SMCHD1: variants seen among roughly 807,000 people sequenced by gnomAD.
SMCHD1 encodes structural maintenance of chromosomes flexible hinge domain containing 1, also known as structural maintenance of chromosomes flexible hinge domain-containing protein 1.
SMCHD1 carries 78 observed loss-of-function variants against 254.7 expected under a neutral mutation model. The ratio of observed to expected loss-of-function variants is 0.31; its 90% CI spans 0.26 to 0.37. The LOEUF (loss-of-function observed/expected upper bound fraction) is 0.37, where lower values mean the gene tolerates loss of function less well. Among genes scored for constraint, SMCHD1 ranks in the 10% least tolerant of loss-of-function variants. The pLI, the probability that SMCHD1 is intolerant of heterozygous loss-of-function variation, is 1.00. For missense variants in SMCHD1, 1,840 were observed against 2,408.1 expected, an observed-to-expected ratio of 0.76 and a Z score of 4.94; for synonymous variants, 766 against 794.9, an observed-to-expected ratio of 0.96 and a Z score of 0.61.
intron 28 of SMCHD1, among the ~76,000 whole-genome samples, chr18:2,743,121 C>T (rs965277682): frequency 6.6e-5 from 10 of 152,168 alleles, no homozygotes. Flanking sequence ...GCACTCACGC[C>T]AGTGTGGAAT....
chr18:2,661,084 A>C (rs1297534511), intron 1 of SMCHD1, among the ~76,000 whole-genome samples: 1 of 152,194 alleles, frequency 6.6e-6, no homozygotes, highest in African/African-American at 2.4e-5. Context: ...AGGAACAGAA[A>C]ACCAAACACT....
intron 34 of SMCHD1, among the ~76,000 whole-genome samples, chr18:2,759,592 T>G (rs1177364155): frequency 7.0e-6 from 1 of 143,266 alleles, no homozygotes; most frequent in South Asian, 2.3e-4. Context: ...TTTTTTGAGA[T>G]AGAGTCTCAC....
intron 13 of SMCHD1, among the ~76,000 whole-genome samples, chr18:2,704,752 C>T (rs1170980099): frequency 6.6e-6 from 1 of 152,046 alleles, no homozygotes; most frequent in East Asian, 1.9e-4. Context: ...AGGTAGAAGG[C>T]TCTCTGTTCT....
intron 9 of SMCHD1, among the ~76,000 whole-genome samples, chr18:2,697,490 A>T (rs1190623331): frequency 1.3e-5 from 2 of 152,186 alleles, no homozygotes; most frequent in Non-Finnish European, 2.9e-5. Flanking sequence ...TGAGTATTGG[A>T]TTCTCAATCC....
intron 12 of SMCHD1, chr18:2,701,162 T>TG: frequency 7.7e-6 from 2 of 259,374 alleles, no homozygotes; most frequent in Non-Finnish European, 7.0e-6. Flanking sequence ...TTAGTTTTTT[T>TG]TGTTTTTTTT....
chr18:2,740,694 C>CT lies in SMCHD1; in HGVS notation c.3515-3dup. The CT allele has an allele frequency of 2.0e-6, 3 of 1,465,802 alleles. No individual in the cohort carries two copies. Among genetic ancestry groups the CT allele is most frequent in the African/African-American group, 1.4e-5 (1 of 71,490 alleles). 90.8% of individuals were successfully genotyped at this position (1,465,802 alleles called of 1,614,324 possible). A position where few individuals can be genotyped will look rare whatever the true frequency, so the allele number is the denominator to read the frequency against. On this transcript the variant is annotated splice_polypyrimidine_tract_variant and intron_variant, in intron 27 of 47. Transcript: ENST00000320876. Reference sequence around the variant, plus strand: ...GATAATACTAAAATAAAACTTCCCCCTTTTTTAGTTATAATAATTACAGAT... The same window carrying CT: ...GATAATACTAAAATAAAACTTCCCCCTTTTTTTAGTTATAATAATTACAGAT...
rs1475005106 is a variant in SMCHD1 at position 2,747,664 on chromosome 18, C to T, written c.3927+17C>T. ...AATTTAAAGGTAAGTTTTAAACTTC[C>T]TTACATCTTCATTTAAAATTCTGGA... On this transcript the variant is annotated intron_variant, in intron 30 of 47. Coordinates refer to ENST00000320876, the MANE Select transcript of SMCHD1 (RefSeq NM_015295.3). 1 of 1,512,508 alleles carries T rather than the reference C, an allele frequency of 6.6e-7. No individual in the cohort carries two copies. The highest frequency in any genetic ancestry group is 8.9e-7 in the Non-Finnish European group (1 of 1,121,476). 93.7% of individuals were successfully genotyped at this position (1,512,508 alleles called of 1,614,324 possible).
intron 37 of SMCHD1, chr18:2,764,042 C>T (rs146872628): frequency 5.7e-5 from 18 of 313,156 alleles, no homozygotes; most frequent in African/African-American, 3.1e-4. Flanking sequence ...AGTGACAGTA[C>T]GTGATGTTTT....
At chr18:2,671,005 C>T (rs1282895489) in intron 3 of SMCHD1, among the ~76,000 whole-genome samples, 8 of 144,386 alleles carry the variant, frequency 5.5e-5, no homozygotes, top group East Asian at 2.0e-4. Flanking sequence ...GGCGTGATCT[C>T]GGCTCACCGC....
intron 35 of SMCHD1, among the ~76,000 whole-genome samples, chr18:2,761,209 A>G (rs1444327416): frequency 6.6e-6 from 1 of 152,214 alleles, no homozygotes; most frequent in African/African-American, 2.4e-5. Context: ...GGAGCTAAAC[A>G]TTGGGTACAC....
At chr18:2,663,807 C>T (rs894647865) in intron 1 of SMCHD1, among the ~76,000 whole-genome samples, 3 of 151,996 alleles carry the variant, frequency 2.0e-5, no homozygotes, top group South Asian at 2.1e-4. Flanking sequence ...CTCCACCTCC[C>T]GGGTTCACGC....
rs185494569 is a variant in SMCHD1 at position 2,717,418 on chromosome 18, C to T, written c.2261-740C>T. Among the ~76,000 whole-genome samples the T allele has an allele frequency of 5.5e-4, 83 of 152,240 alleles. 1 individual carries two copies. Among genetic ancestry groups the T allele is most frequent in the South Asian group, 5.0e-3 (24 of 4,826 alleles). On this transcript the variant is annotated intron_variant, in intron 17 of 47. Coordinates refer to ENST00000320876, the MANE Select transcript of SMCHD1 (RefSeq NM_015295.3). ...CTGGTACCTTCATAGCTCGCTGTGG[C>T]CTTGACCTCCTGGGCTCAAGTAGTC...
chr18:2,759,569 C>CTTTTTTTT (rs763885639), intron 34 of SMCHD1, among the ~76,000 whole-genome samples: 32 of 36,964 alleles, frequency 8.7e-4, no homozygotes, highest in South Asian at 2.4e-3. Context: ...TTTTAATTCT[C>CTTTTTTTT]TCTTTTTTTT....
rs1182600898 is a variant in SMCHD1 at position 2,673,274 on chromosome 18, C to G, written c.425-7C>G. 1.3e-6 allele frequency: 2 copies of G among 1,586,704 alleles called. No individual in the cohort carries two copies. The highest frequency in any genetic ancestry group is 3.5e-5 in the Admixed American group (2 of 57,660). On this transcript the variant is annotated splice_region_variant and splice_polypyrimidine_tract_variant and intron_variant, in intron 3 of 47. Coordinates refer to ENST00000320876, the MANE Select transcript of SMCHD1 (RefSeq NM_015295.3). ...AAGTTAAGCAATGTTTTCTTGATCTCTTGCAGCATTTGCTCTTGCGGAATT... is the reference window on the plus strand; with the variant it reads ...AAGTTAAGCAATGTTTTCTTGATCTGTTGCAGCATTTGCTCTTGCGGAATT...
chr18:2,701,430 G>C (rs1341779030), intron 12 of SMCHD1, among the ~76,000 whole-genome samples: 1 of 152,036 alleles, frequency 6.6e-6, no homozygotes, highest in Non-Finnish European at 1.5e-5. Context: ...CAAAATGTTG[G>C]GATTACAGGC....
rs140091524 is a variant in SMCHD1 at position 2,792,705 on chromosome 18, A to G, written c.5720-3244A>G. Among the ~76,000 whole-genome samples, 199 of 152,282 alleles carry G rather than the reference A, an allele frequency of 1.3e-3. 2 individuals carry two copies. Among genetic ancestry groups the G allele is most frequent in the African/African-American group, 4.7e-3 (194 of 41,550 alleles). On this transcript the variant is annotated intron_variant, in intron 45 of 47. Coordinates refer to ENST00000320876, the MANE Select transcript of SMCHD1 (RefSeq NM_015295.3). ...ATTTCTTATACTTTATTGCTTTCAT[A>G]CTTGATTTATTATAATACTGTCAAT...
chr18:2,667,150 C>A, intron 3 of SMCHD1, 119 bp downstream of exon 3: 1 of 718,772 alleles, frequency 1.4e-6, no homozygotes, highest in South Asian at 2.0e-5. Flanking sequence ...GAAGACCACT[C>A]ATTTTCTTTC....
chr18:2,739,387 A>G (rs778306243), intron 26 of SMCHD1, 45 bp from the exon 27 acceptor site: 7 of 1,417,588 alleles, frequency 4.9e-6, no homozygotes, highest in African/African-American at 1.4e-5. Flanking sequence ...AACTACTTCA[A>G]TTAATGGTGT....
At chr18:2,797,508 A>G (rs1339250461) in intron 47 of SMCHD1, among the ~76,000 whole-genome samples, 1 of 152,254 alleles carries the variant, frequency 6.6e-6, no homozygotes, top group African/African-American at 2.4e-5. Flanking sequence ...ACATTTATTC[A>G]GTAAAGATTT....
Sources: gnomAD v4.1 joint callset for allele counts (sites outside exome capture counted in the v4.1 genomes callset) on GRCh38, gnomAD v4.1.1 for gene constraint, MANE v1.5 for transcripts, NCBI Gene and HGNC (gene_info 2026-07-23, HGNC 2026-07-21) for gene names.